MCCC1: variants seen among roughly 807,000 people sequenced by gnomAD.
The protein encoded by MCCC1 is methylcrotonyl-CoA carboxylase subunit 1.
Under a neutral mutation model 83.8 loss-of-function variants are expected in MCCC1, and 64 were observed. That is an observed-to-expected ratio of 0.76 (90% CI 0.62 to 0.94). MCCC1 has a LOEUF of 0.94. Among genes scored for constraint, MCCC1 ranks in the 40% least tolerant of loss-of-function variants. MCCC1 has a pLI of 0.00. For missense variants in MCCC1, 807 were observed against 904.7 expected (o/e 0.89, Z 1.39); for synonymous variants, 322 against 315.4 (o/e 1.02, Z -0.22).
rs1553848987 is a variant in MCCC1, at chr3:183,015,551, G to C, written c.2065C>G (p.Pro689Ala). Residue 689 changes from proline to alanine, a missense_variant, in exon 19 of 19, where the codon CCA becomes GCA. Coordinates refer to ENST00000265594, the MANE Select transcript of MCCC1 (RefSeq NM_020166.5). ...ACTTTCTTTACTGTGCCATCCTTTG[G>C]AGACTTTATGGTATGCTGCAGAGAC... ...AMKMEHTIKS[P>A]KDGTVKKVFY... 6.8e-6 allele frequency: 11 copies of C among 1,614,140 alleles called. No individual in the cohort carries two copies. The East Asian group carries it at 2.2e-4, about 33-fold the overall frequency.
chr3:183,055,365 G>A (rs1332406778), intron 8 of MCCC1, among the ~76,000 whole-genome samples: 4 of 152,010 alleles, frequency 2.6e-5, no homozygotes, highest in East Asian at 1.9e-4. Flanking sequence ...AGCTGAGATC[G>A]CGCCACTGCA....
In MCCC1 at chr3:183,020,274, T is replaced by G. The variant is rs967104362; in HGVS notation, c.1870-37A>C. Reference sequence around the variant, plus strand: ...AAACAAACTGAAAACCGAATCAACATCCTATCACTATATTTTTACTAATAT... The same window carrying G: ...AAACAAACTGAAAACCGAATCAACAGCCTATCACTATATTTTTACTAATAT... On this transcript the variant is annotated intron_variant, in intron 16 of 18. Coordinates refer to ENST00000265594, the MANE Select transcript of MCCC1 (RefSeq NM_020166.5). 4.8e-6 allele frequency: 7 copies of G among 1,464,118 alleles called. No individual in the cohort carries two copies. In the Admixed American group the frequency reaches 8.4e-5, roughly 18 times the overall value. The allele number at this position is 1,464,118 out of a possible 1,614,324, so 90.7% of individuals were successfully genotyped here. A position where few individuals can be genotyped will look rare whatever the true frequency, so the allele number is the denominator to read the frequency against.
chr3:183,051,907 G>A (rs1222065406), intron 9 of MCCC1, among the ~76,000 whole-genome samples: 1 of 152,008 alleles, frequency 6.6e-6, no homozygotes, highest in Non-Finnish European at 1.5e-5. Context: ...TTTTAAAATA[G>A]AATACAAAAT....
intron 17 of MCCC1, among the ~76,000 whole-genome samples, chr3:183,019,063 C>T (rs1711928049): frequency 6.6e-6 from 1 of 152,172 alleles, no homozygotes; most frequent in African/African-American, 2.4e-5. Context: ...AAAGGCAGAT[C>T]CAGGTCTCCT....
intron 13 of MCCC1, among the ~76,000 whole-genome samples, chr3:183,034,881 G>T (rs1713437402): frequency 6.6e-6 from 1 of 151,716 alleles, no homozygotes; most frequent in South Asian, 2.1e-4. Context: ...GGGTTCAAGT[G>T]ATTCTCCTGC....
At chr3:183,087,239 T>C (rs1331625482) in intron 3 of MCCC1, among the ~76,000 whole-genome samples, 1 of 152,222 alleles carries the variant, frequency 6.6e-6, no homozygotes, top group Non-Finnish European at 1.5e-5. Flanking sequence ...CTTTCATACA[T>C]TTGTGAATTA....
intron 15 of MCCC1, among the ~76,000 whole-genome samples, chr3:183,024,104 C>T (rs945161464): frequency 6.6e-6 from 1 of 151,990 alleles, no homozygotes; most frequent in Non-Finnish European, 1.5e-5. Flanking sequence ...CACACAATTA[C>T]CCGGGCATGG....
intron 7 of MCCC1, among the ~76,000 whole-genome samples, chr3:183,070,253 T>G (rs1205577014): frequency 6.6e-6 from 1 of 152,156 alleles, no homozygotes; most frequent in Non-Finnish European, 1.5e-5. Context: ...TCTATAAATA[T>G]AGCTGAATTT....
intron 15 of MCCC1, among the ~76,000 whole-genome samples, chr3:183,023,048 T>C (rs528599141): frequency 1.3e-5 from 2 of 152,328 alleles, no homozygotes; most frequent in South Asian, 2.1e-4. Context: ...GGCCCAATCA[T>C]GGGTTTCAGT....
rs1486131108 is a variant in MCCC1 at position 183,025,757 on chromosome 3, G to C, written c.1729C>G (p.Gln577Glu). Reference protein sequence around the residue: ...TYNHDGSYSMQIEDKTFQVLG... With the variant: ...TYNHDGSYSMEIEDKTFQVLG... Reference sequence around the variant, plus strand: ...AGAACAAAACCAGTAAGGCTTACCTGCATGCTATAAGACCCATCATGGTTA... The same window carrying C: ...AGAACAAAACCAGTAAGGCTTACCTCCATGCTATAAGACCCATCATGGTTA... Residue 577 changes from glutamine to glutamate, a missense_variant and splice_region_variant, in exon 15 of 19, where the codon CAG (glutamine) becomes GAG (glutamate). Gln to Glu is a conservative substitution (Grantham distance 29). Coordinates refer to ENST00000265594, the MANE Select transcript of MCCC1 (RefSeq NM_020166.5). 6 of 1,613,626 alleles carry C rather than the reference G, an allele frequency of 3.7e-6. No individual in the cohort carries two copies. The South Asian group carries it at 6.6e-5, about 18-fold the overall frequency.
intron 7 of MCCC1, among the ~76,000 whole-genome samples, chr3:183,066,269 T>C (rs555152807): frequency 5.1e-4 from 77 of 152,272 alleles, no homozygotes; most frequent in South Asian, 1.7e-3. Flanking sequence ...CCACAGACAA[T>C]TGTCTTGTTT....
In MCCC1 at chr3:183,041,645, G is replaced by C; in HGVS notation, c.1189C>G (p.Pro397Ala). 1 of 1,614,206 alleles carries C rather than the reference G, an allele frequency of 6.2e-7. No homozygotes were observed. The highest frequency in any genetic ancestry group is 8.5e-7 in the Non-Finnish European group (1 of 1,180,034). ...AGGTGCACTAATGGGCCTGCCACAG[G>C]CATGAAGTTATTGCTAGGATCTTCT... Reference protein sequence around the residue: ...YAEDPSNNFMPVAGPLVHLST... With the variant: ...YAEDPSNNFMAVAGPLVHLST... The change falls in exon 11 of 19, where the codon CCT (proline) becomes GCT (alanine). Residue 397 changes from proline (P) to alanine (A), a missense_variant. Physicochemically the swap from Pro to Ala is conservative, Grantham distance 27. Coordinates refer to ENST00000265594, the MANE Select transcript of MCCC1 (RefSeq NM_020166.5).
rs1577317838 is a variant in MCCC1, at chr3:183,064,158, T to C, written c.762-6736A>G. 6.6e-6 allele frequency among the ~76,000 whole-genome samples: 1 copy of C among 151,798 alleles called. No individual in the cohort carries two copies. Among genetic ancestry groups the C allele is most frequent in the South Asian group, 2.1e-4 (1 of 4,822 alleles). On this transcript the variant is annotated intron_variant, in intron 7 of 18. Coordinates refer to ENST00000265594, the MANE Select transcript of MCCC1 (RefSeq NM_020166.5). The surrounding 1 kb of genome is among the most constrained non-coding windows in gnomAD (Gnocchi z 4.5). ...TTGAATTAATCTGCCTTGCACTCTTTGCTGACGGCGGTCGGTGATAGGATT... is the reference window on the plus strand; with the variant it reads ...TTGAATTAATCTGCCTTGCACTCTTCGCTGACGGCGGTCGGTGATAGGATT...
chr3:183,063,128 C>T (rs912914910), intron 7 of MCCC1, among the ~76,000 whole-genome samples: 12 of 152,048 alleles, frequency 7.9e-5, no homozygotes, highest in Admixed American at 5.2e-4. Flanking sequence ...GGACTACAGG[C>T]GTCCACCACC....
At chr3:183,071,815 C>T (rs1221608841) in intron 5 of MCCC1, among the ~76,000 whole-genome samples, 3 of 151,588 alleles carry the variant, frequency 2.0e-5, no homozygotes, top group Admixed American at 6.6e-5. Flanking sequence ...GATCCTTCTG[C>T]CTCAGCCTCC....
chr3:183,106,102 C>T (rs1426482943), intron 1 of MCCC1, among the ~76,000 whole-genome samples: 1 of 69,340 alleles, frequency 1.4e-5, no homozygotes, highest in African/African-American at 4.1e-5. Flanking sequence ...AAAAAGACTA[C>T]CAAAACTACA....
chr3:183,111,827 C>G (rs1034711915), intron 1 of MCCC1, among the ~76,000 whole-genome samples: 2 of 152,188 alleles, frequency 1.3e-5, no homozygotes, highest in African/African-American at 4.8e-5. Flanking sequence ...ACCACACTCC[C>G]TACACTGTGC....
intron 11 of MCCC1, 108 bp from the exon 12 acceptor site, chr3:183,039,243 C>A: frequency 9.6e-7 from 1 of 1,037,302 alleles, no homozygotes; most frequent in East Asian, 2.5e-5. Context: ...CTCATAAACC[C>A]CTGCATGATA....
At chr3:183,034,685 A>G (rs1054019002) in intron 13 of MCCC1, among the ~76,000 whole-genome samples, 2 of 152,088 alleles carry the variant, frequency 1.3e-5, no homozygotes, top group Non-Finnish European at 2.9e-5. Context: ...AATTCATTCC[A>G]GGTCACCAGT....
Sources: allele counts gnomAD v4.1 joint callset (sites outside exome capture counted in the v4.1 genomes callset), GRCh38; gene constraint gnomAD v4.1.1; non-coding constraint Gnocchi (gnomAD v3.1); transcripts MANE v1.5; gene names NCBI Gene and HGNC (gene_info 2026-07-23, HGNC 2026-07-21).